ANGPT2: variants seen among roughly 807,000 people sequenced by gnomAD.
The protein encoded by ANGPT2 is angiopoietin-2.
ANGPT2 carries 28 observed loss-of-function variants against 62.9 expected under a neutral mutation model. The ratio of observed to expected loss-of-function variants is 0.44; its 90% CI spans 0.33 to 0.61. The LOEUF (loss-of-function observed/expected upper bound fraction) is 0.61. ANGPT2 is among the 20% of genes least tolerant of loss of function. The pLI, the probability that ANGPT2 is intolerant of heterozygous loss-of-function variation, is 0.03. For synonymous variants in ANGPT2, 284 were observed against 207.8 expected (o/e 1.37, Z -3.15); for missense variants, 727 against 594.9 (o/e 1.22, Z -2.31).
chr8:6,551,659 T>C (rs1490813293), intron 1 of ANGPT2, among the ~76,000 whole-genome samples: 1 of 152,198 alleles, frequency 6.6e-6, no homozygotes, highest in Non-Finnish European at 1.5e-5. Flanking sequence ...GGAATTCCTG[T>C]CATTAACAAT....
At chr8:6,552,356 G>C (rs1248861086) in intron 1 of ANGPT2, among the ~76,000 whole-genome samples, 2 of 152,214 alleles carry the variant, frequency 1.3e-5, no homozygotes, top group African/African-American at 4.8e-5. Context: ...TACTGGAGCA[G>C]TTTCCACAGA....
rs549919840 is a variant in ANGPT2 at position 6,553,177 on chromosome 8, G to C, written c.288+9470C>G. Among the ~76,000 whole-genome samples, 3 of 152,278 alleles carry C rather than the reference G, an allele frequency of 2.0e-5. No individual in the cohort carries two copies. In the East Asian group the frequency reaches 5.8e-4, roughly 29 times the overall value. On this transcript the variant is annotated intron_variant, in intron 1 of 8. Transcript: ENST00000629816. ...CTGGTGCAGGATGTTGATCGTAGGG[G>C]AGGTGGCTGTGTGTGTGCCACGGAG...
intron 1 of ANGPT2, among the ~76,000 whole-genome samples, chr8:6,554,035 T>G (rs1188452224): frequency 6.6e-6 from 1 of 151,424 alleles, no homozygotes; most frequent in African/African-American, 2.4e-5. Context: ...ATCCCTGAAA[T>G]TTGCCGGAAC....
In ANGPT2 at chr8:6,562,779, G is replaced by C. The variant is rs755558160; in HGVS notation, c.156C>G (p.Asn52Lys). 4.9e-5 allele frequency: 79 copies of C among 1,613,576 alleles called. No homozygotes were observed. The highest frequency in any genetic ancestry group is 6.6e-5 in the Non-Finnish European group (78 of 1,179,930). ...CGTAGGGGCTGGAGGAAGAGCGGCA[G>C]TTGTCCATCTCTGGCAGGAGGAAAG... is the stretch of plus-strand genomic sequence containing the variant. The part of the protein sequence containing the change: ...SYTFLLPEMD[N>K]CRSSSSPYVS... The change falls in exon 1 of 9, where the codon AAC (asparagine) becomes AAG (lysine). Residue 52 changes from asparagine to lysine, a missense_variant. Asn to Lys is a moderately conservative substitution (Grantham distance 94). Transcript: ENST00000629816.
chr8:6,509,902 G>C (rs1814634532), intron 7 of ANGPT2, among the ~76,000 whole-genome samples: 1 of 152,296 alleles, frequency 6.6e-6, no homozygotes, highest in South Asian at 2.1e-4. Context: ...ACTGGGACCT[G>C]TGGCTCGCTG....
At chr8:6,523,877 G>A (rs1487195657) in intron 3 of ANGPT2, among the ~76,000 whole-genome samples, 3 of 145,906 alleles carry the variant, frequency 2.1e-5, no homozygotes, top group Admixed American at 6.9e-5. Flanking sequence ...ATGAGCCACC[G>A]TGCCTGGCTG....
At chr8:6,549,093 G>C (rs995490650) in intron 1 of ANGPT2, among the ~76,000 whole-genome samples, 1 of 152,210 alleles carries the variant, frequency 6.6e-6, no homozygotes, top group Admixed American at 6.5e-5. Flanking sequence ...TTGGAACTCA[G>C]TCAAAACAGC....
chr8:6,505,684 A>G (rs1323378148), intron 8 of ANGPT2, among the ~76,000 whole-genome samples: 5 of 115,318 alleles, frequency 4.3e-5, no homozygotes, highest in African/African-American at 1.4e-4. Flanking sequence ...CTTTACATAT[A>G]TAGAATATAT....
chr8:6,521,319 C>G lies in ANGPT2; in HGVS notation c.658G>C (p.Val220Leu), dbSNP rs1817295820. 7 of 1,613,670 alleles carry G rather than the reference C, an allele frequency of 4.3e-6. No homozygotes were observed. In the East Asian group the frequency reaches 1.1e-4, roughly 26 times the overall value. The change falls in exon 4 of 9, where the codon GTA (valine) becomes CTA (leucine). Residue 220 changes from valine (V) to leucine (L), a missense_variant. Val to Leu is a conservative substitution (Grantham distance 32). Coordinates refer to ENST00000629816, the MANE Select transcript of ANGPT2 (RefSeq NM_001118887.2). ...TCAATGATGGAATTTTGCTTGGATA[C>G]TAACACCTGTAGCTGATCTTTCTCT... ...KEEKDQLQVL[V>L]SKQNSIIEEL...
rs961702356 is a variant in ANGPT2, at chr8:6,499,665, C to G, written c.*3436G>C. 7.1e-6 allele frequency: 4 copies of G among 561,282 alleles called. No individual in the cohort carries two copies. The highest frequency in any genetic ancestry group is 5.6e-5 in the African/African-American group (3 of 53,174). 34.8% of individuals were successfully genotyped at this position (561,282 alleles called of 1,614,324 possible). A position where few individuals can be genotyped will look rare whatever the true frequency, so the allele number is the denominator to read the frequency against. ...TATCGTGAGACTTTTTCTCAATCAA[C>G]TTTTTATTAATATTCATAACATTTA... On this transcript the variant is annotated 3_prime_UTR_variant, in exon 9 of 9. Coordinates refer to ENST00000629816, the MANE Select transcript of ANGPT2 (RefSeq NM_001118887.2).
chr8:6,501,834 G>C lies in ANGPT2; in HGVS notation c.*1267C>G, dbSNP rs1031161803. Reference sequence around the variant, plus strand: ...GCCTACCAATGTACTGGGATTATAGGTGTGAGCCACTGCGCCCAGCCCTGT... The same window carrying C: ...GCCTACCAATGTACTGGGATTATAGCTGTGAGCCACTGCGCCCAGCCCTGT... On this transcript the variant is annotated 3_prime_UTR_variant, in exon 9 of 9. Transcript: ENST00000629816. 2 of 151,650 alleles carry C rather than the reference G, an allele frequency of 1.3e-5. 1 individual carries two copies. The allele number at this position is 151,650 out of a possible 1,614,324, so 9.4% of individuals were successfully genotyped here.
chr8:6,514,850 A>G (rs1815938651), intron 5 of ANGPT2, 72 bp from the exon 6 acceptor site: 1 of 1,326,532 alleles, frequency 7.5e-7, no homozygotes, highest in Admixed American at 1.7e-5. Context: ...AAGCAGGAGG[A>G]ATGTAGACCC....
At chr8:6,549,983 G>A (rs1442512686) in intron 1 of ANGPT2, among the ~76,000 whole-genome samples, 1 of 152,226 alleles carries the variant, frequency 6.6e-6, no homozygotes, top group Non-Finnish European at 1.5e-5. Flanking sequence ...TGAAAAGGTT[G>A]GGGTTGGCTT....
At chr8:6,538,606 C>G (rs567455934) in intron 1 of ANGPT2, among the ~76,000 whole-genome samples, 1 of 152,328 alleles carries the variant, frequency 6.6e-6, no homozygotes, top group East Asian at 1.9e-4. Context: ...CTTTGTATCT[C>G]CTCCTTGAGT....
intron 1 of ANGPT2, among the ~76,000 whole-genome samples, chr8:6,555,733 G>A (rs1052048246): frequency 1.3e-5 from 2 of 152,138 alleles, no homozygotes; most frequent in African/African-American, 2.4e-5. Context: ...AAAGTGCTGC[G>A]ATTACAGGCA....
At chr8:6,510,018 C>T (rs1814674472) in intron 7 of ANGPT2, among the ~76,000 whole-genome samples, 1 of 152,186 alleles carries the variant, frequency 6.6e-6, no homozygotes, top group African/African-American at 2.4e-5. Flanking sequence ...GTATCACCTT[C>T]ACACCATCGT....
At position 6,521,267 on chromosome 8, in the gene ANGPT2, G is replaced by C. The variant is rs1817282306; in HGVS notation, c.710C>G (p.Ala237Gly). The change falls in exon 4 of 9, where the codon GCC becomes GGC. Residue 237 changes from alanine (A) to glycine (G), a missense_variant. Transcript: ENST00000629816. ...CTGAAGAACTGAATTATTCACCGTGGCAGTCACTATTTTTTTTTCTAGTTC... is the reference window on the plus strand; with the variant it reads ...CTGAAGAACTGAATTATTCACCGTGCCAGTCACTATTTTTTTTTCTAGTTC... ...IEELEKKIVT[A>G]TVNNSVLQKQ... The C allele has an allele frequency of 6.2e-7, 1 of 1,613,774 alleles. No homozygotes were observed. The highest frequency in any genetic ancestry group is 8.5e-7 in the Non-Finnish European group (1 of 1,179,952).
chr8:6,555,342 T>A lies in ANGPT2; in HGVS notation c.288+7305A>T, dbSNP rs192239802. 2.0e-5 allele frequency among the ~76,000 whole-genome samples: 3 copies of A among 152,302 alleles called. No homozygotes were observed. In the East Asian group the frequency reaches 5.8e-4, roughly 29 times the overall value. On this transcript the variant is annotated intron_variant, in intron 1 of 8. Coordinates refer to ENST00000629816, the MANE Select transcript of ANGPT2 (RefSeq NM_001118887.2). ...GCCTTTCAAGTGGTGTCCTGTGAAA[T>A]CCAGCGTTTCCCCCTGTCAACTTCC...
At chr8:6,507,429 T>C (rs1813967026) in intron 8 of ANGPT2, 1 of 152,232 alleles carries the variant, frequency 6.6e-6, no homozygotes, top group Non-Finnish European at 1.5e-5. Context: ...TTTTTGTTGC[T>C]ACTTTAAATC....
Sources: gnomAD v4.1 joint callset for allele counts (sites outside exome capture counted in the v4.1 genomes callset) on GRCh38, gnomAD v4.1.1 for gene constraint, MANE v1.5 for transcripts, NCBI Gene and HGNC (gene_info 2026-07-23, HGNC 2026-07-21) for gene names.